Variants in SGCZ observed in about 807,000 individuals in gnomAD.
SGCZ encodes the protein zeta-sarcoglycan.
In SGCZ, 40 loss-of-function variants were observed where a neutral mutation model predicts 41.3. The observed-to-expected ratio is 0.97, with a 90% confidence interval of 0.75 to 1.26. The LOEUF (loss-of-function observed/expected upper bound fraction) is 1.26. SGCZ is among the 50% of genes most tolerant of loss of function. The pLI is 0.00. For missense variants in SGCZ, 552 were observed against 369.8 expected (o/e 1.49, Z -4.04); for synonymous variants, 206 against 137.5 (o/e 1.50, Z -3.49).
chr8:15,017,989 C>A (rs1803104613), intron 1 of SGCZ, among the ~76,000 whole-genome samples: 1 of 152,270 alleles, frequency 6.6e-6, no homozygotes, highest in Non-Finnish European at 1.5e-5. Context: ...CTCAGCCTCC[C>A]AAGTCTCTGG....
At chr8:14,469,609 A>G (rs2116974485) in intron 2 of SGCZ, among the ~76,000 whole-genome samples, 1 of 152,110 alleles carries the variant, frequency 6.6e-6, no homozygotes, top group African/African-American at 2.4e-5. Context: ...GATGGCCAGT[A>G]TCCCTTAGGT....
intron 1 of SGCZ, among the ~76,000 whole-genome samples, chr8:14,791,015 A>C (rs1438119536): frequency 1.3e-5 from 2 of 150,370 alleles, no homozygotes; most frequent in African/African-American, 4.9e-5. Flanking sequence ...TGGGCAACAG[A>C]GTGAGACTCT....
intron 1 of SGCZ, among the ~76,000 whole-genome samples, chr8:14,987,454 A>C (rs1170490567): frequency 6.6e-6 from 1 of 151,998 alleles, no homozygotes; most frequent in Non-Finnish European, 1.5e-5. Context: ...TTTTTGTGCC[A>C]ATAACTGATC....
chr8:14,484,447 T>G (rs1049679409), intron 2 of SGCZ, among the ~76,000 whole-genome samples: 2 of 152,154 alleles, frequency 1.3e-5, no homozygotes, highest in African/African-American at 4.8e-5. Context: ...TACAAATAAA[T>G]TTTTTAATTC....
rs549770905 is a variant in SGCZ, at chr8:14,844,997, G to A, written c.40-290071C>T. On this transcript the variant is annotated intron_variant, in intron 1 of 7. Transcript: ENST00000382080. ...ATGGCTGAGAGTTTAGGTGGAAAAG[G>A]CAGCTAGAATTTACAAGATAGACTT... Among the ~76,000 whole-genome samples, 43 of 152,288 alleles carry A rather than the reference G, an allele frequency of 2.8e-4. No homozygotes were observed. In the South Asian group the frequency reaches 7.7e-3, roughly 27 times the overall value.
chr8:14,107,930 A>T (rs1376575916), intron 6 of SGCZ, among the ~76,000 whole-genome samples: 1 of 152,152 alleles, frequency 6.6e-6, no homozygotes, highest in Non-Finnish European at 1.5e-5. Context: ...GGTGTGAGCC[A>T]CCGTGCCCGG....
At chr8:14,409,475 GA>G (rs71541667) in intron 2 of SGCZ, among the ~76,000 whole-genome samples, 29,879 of 150,570 alleles carry the variant, frequency 0.2, 3,677 homozygotes, top group Non-Finnish European at 0.29. Context: ...CTCAGAATTT[GA>G]AAAAAAAATC....
At chr8:14,342,021 C>T (rs1002268063) in intron 2 of SGCZ, among the ~76,000 whole-genome samples, 30 of 152,144 alleles carry the variant, frequency 2.0e-4, no homozygotes, top group African/African-American at 6.3e-4. Flanking sequence ...AACTGGGTAA[C>T]AGGCAGAGGT....
At chr8:14,883,111 G>C (rs1260275279) in intron 1 of SGCZ, among the ~76,000 whole-genome samples, 1 of 151,752 alleles carries the variant, frequency 6.6e-6, no homozygotes, top group Non-Finnish European at 1.5e-5. Context: ...CTCTTCTCCT[G>C]TTTTAGAGGT....
chr8:14,733,048 T>C (rs1798914723), intron 1 of SGCZ, among the ~76,000 whole-genome samples: 1 of 152,128 alleles, frequency 6.6e-6, no homozygotes, highest in African/African-American at 2.4e-5. Context: ...CAGGGTTCTA[T>C]CACTCCTAGA....
chr8:14,742,410 T>C (rs1799221008), intron 1 of SGCZ, among the ~76,000 whole-genome samples: 1 of 152,086 alleles, frequency 6.6e-6, no homozygotes, highest in Admixed American at 6.6e-5. Flanking sequence ...CATTGCCTTT[T>C]CTTAGTCTGG....
chr8:14,874,793 T>C (rs1042841843), intron 1 of SGCZ, among the ~76,000 whole-genome samples: 1 of 152,178 alleles, frequency 6.6e-6, no homozygotes, highest in African/African-American at 2.4e-5. Flanking sequence ...GATGAAATTA[T>C]AACATGGCTC....
intron 1 of SGCZ, among the ~76,000 whole-genome samples, chr8:15,036,605 A>G (rs1803885628): frequency 6.6e-6 from 1 of 152,178 alleles, no homozygotes. Context: ...AATGTCTCTC[A>G]TCAAAGAAAA....
intron 2 of SGCZ, among the ~76,000 whole-genome samples, chr8:14,451,992 G>A (rs1425633190): frequency 6.6e-6 from 1 of 152,166 alleles, no homozygotes; most frequent in East Asian, 1.9e-4. Context: ...TTATACAAAT[G>A]TATTGAAAAC....
rs113249367 is a variant in SGCZ at position 15,202,538 on chromosome 8, T to A, written c.39+35047A>T. ...TGGGTGAGGGATAAAAGACTACACA[T>A]TGGGTACAATGTACACTTCTTGGAT... On this transcript the variant is annotated intron_variant, in intron 1 of 7. Coordinates refer to ENST00000382080, the MANE Select transcript of SGCZ (RefSeq NM_139167.4). Among the ~76,000 whole-genome samples, 312 of 152,136 alleles carry A rather than the reference T, an allele frequency of 2.1e-3. 3 individuals carry two copies. Among genetic ancestry groups the A allele is most frequent in the African/African-American group, 7.1e-3 (293 of 41,506 alleles).
At chr8:15,220,880 G>A (rs1026893028) in intron 1 of SGCZ, among the ~76,000 whole-genome samples, 1 of 152,080 alleles carries the variant, frequency 6.6e-6, no homozygotes, top group Non-Finnish European at 1.5e-5. Context: ...GGATGAAGCA[G>A]GAAACCATCA....
At chr8:14,502,939 T>C (rs1802198083) in intron 2 of SGCZ, among the ~76,000 whole-genome samples, 1 of 152,190 alleles carries the variant, frequency 6.6e-6, no homozygotes, top group African/African-American at 2.4e-5. Flanking sequence ...GTAATCTCGT[T>C]ACTGGGTATG....
At chr8:14,407,677 A>G (rs1799248501) in intron 2 of SGCZ, among the ~76,000 whole-genome samples, 1 of 152,172 alleles carries the variant, frequency 6.6e-6, no homozygotes, top group Admixed American at 6.6e-5. Context: ...TTTTCTTGTT[A>G]AGAACTGAGA....
At chr8:14,612,955 G>C (rs1001634440) in intron 1 of SGCZ, among the ~76,000 whole-genome samples, 2 of 152,124 alleles carry the variant, frequency 1.3e-5, no homozygotes, top group Admixed American at 1.3e-4. Flanking sequence ...CAAAGTGCTG[G>C]GATTACAGGC....
Sources: allele counts gnomAD v4.1 joint callset (sites outside exome capture counted in the v4.1 genomes callset), GRCh38; gene constraint gnomAD v4.1.1; transcripts MANE v1.5; gene names NCBI Gene and HGNC (gene_info 2026-07-23, HGNC 2026-07-21).